The following SLC4A10 variants were observed in gnomAD, a reference collection of about 807,000 sequenced individuals.
SLC4A10 encodes the protein sodium-driven chloride bicarbonate exchanger.
Under a neutral mutation model 137.7 loss-of-function variants are expected in SLC4A10, and 42 were observed. The observed-to-expected ratio is 0.30, with a 90% confidence interval of 0.24 to 0.39. SLC4A10 has a LOEUF of 0.39. Ranked by LOEUF, SLC4A10 falls within the 10% of genes least tolerant of loss-of-function variation. The probability of loss-of-function intolerance (pLI) is 1.00; values close to 1 mark genes in which losing one functional copy is unlikely to be tolerated. For synonymous variants in SLC4A10, 474 were observed against 464.1 expected (o/e 1.02, Z -0.27); for missense variants, 925 against 1,355.0 (o/e 0.68, Z 4.98).
chr2:161,867,339 A>G (rs2060823384), intron 6 of SLC4A10, among the ~76,000 whole-genome samples: 1 of 151,992 alleles, frequency 6.6e-6, no homozygotes, highest in South Asian at 2.1e-4. Flanking sequence ...CATAAATAAG[A>G]TATCCAGGAT....
chr2:161,916,868 C>G (rs998610844), intron 15 of SLC4A10, among the ~76,000 whole-genome samples: 7 of 152,082 alleles, frequency 4.6e-5, no homozygotes, highest in African/African-American at 1.7e-4. Context: ...TCTCGCCTAC[C>G]GTATATAATT....
intron 23 of SLC4A10, among the ~76,000 whole-genome samples, chr2:161,966,199 G>T (rs13021985): frequency 6.6e-6 from 1 of 151,866 alleles, no homozygotes; most frequent in Non-Finnish European, 1.5e-5. Flanking sequence ...ATATGGTTAC[G>T]TAATGTGTAA....
intron 1 of SLC4A10, among the ~76,000 whole-genome samples, chr2:161,669,844 G>A (rs1289731486): frequency 2.0e-5 from 3 of 151,962 alleles, no homozygotes; most frequent in Non-Finnish European, 2.9e-5. Flanking sequence ...CAGTAAAACT[G>A]AATAGACTTA....
intron 3 of SLC4A10, among the ~76,000 whole-genome samples, chr2:161,834,447 A>G (rs1011502019): frequency 6.6e-6 from 1 of 152,220 alleles, no homozygotes; most frequent in African/African-American, 2.4e-5. Flanking sequence ...GTGCAGGAGT[A>G]AAATCAATGA....
intron 23 of SLC4A10, among the ~76,000 whole-genome samples, chr2:161,973,984 G>T (rs1698980252): frequency 6.6e-6 from 1 of 151,986 alleles, no homozygotes; most frequent in Admixed American, 6.5e-5. Context: ...AATATGCTTG[G>T]AAATTAACAT....
At chr2:161,976,972 A>G in intron 25 of SLC4A10, 96 bp downstream of exon 25, 1 of 631,018 alleles carries the variant, frequency 1.6e-6, no homozygotes, top group Non-Finnish European at 2.6e-6. Flanking sequence ...CATCAAATTT[A>G]GATATAAAAT....
At chr2:161,872,539 T>C (rs2061195029) in intron 7 of SLC4A10, among the ~76,000 whole-genome samples, 155 bp downstream of exon 7, 1 of 128,282 alleles carries the variant, frequency 7.8e-6, no homozygotes, top group Non-Finnish European at 1.6e-5. Context: ...TAAGTCCACA[T>C]GTAACATTTT....
chr2:161,767,295 T>A (rs1043872819), intron 1 of SLC4A10, among the ~76,000 whole-genome samples: 1 of 147,890 alleles, frequency 6.8e-6, no homozygotes, highest in African/African-American at 2.5e-5. Flanking sequence ...TAAACTTTAT[T>A]CGGTATAAAA....
chr2:161,944,588 GT>G (rs778891271), intron 16 of SLC4A10, among the ~76,000 whole-genome samples: 1 of 151,014 alleles, frequency 6.6e-6, no homozygotes, highest in East Asian at 1.9e-4. Flanking sequence ...GGGGTTGTTG[GT>G]TTTTTTCTCT....
chr2:161,884,605 T>G (rs2062076408), intron 10 of SLC4A10, among the ~76,000 whole-genome samples: 1 of 152,156 alleles, frequency 6.6e-6, no homozygotes, highest in Non-Finnish European at 1.5e-5. Flanking sequence ...AGCATAAGCA[T>G]CAGTCATCTA....
chr2:161,884,933 T>G (rs1476249044), intron 10 of SLC4A10, among the ~76,000 whole-genome samples: 1 of 152,206 alleles, frequency 6.6e-6, no homozygotes, highest in Admixed American at 6.5e-5. Flanking sequence ...ATCCCAGCAC[T>G]TTGGGAGGCC....
chr2:161,871,917 T>A lies in SLC4A10; in HGVS notation c.767-376T>A, dbSNP rs897748981. Among the ~76,000 whole-genome samples, 17 of 152,294 alleles carry A rather than the reference T, an allele frequency of 1.1e-4. No homozygotes were observed. The South Asian group carries it at 1.2e-3, about 11-fold the overall frequency. ...GCTTTACATTTTAAATTCTTCAGGC[T>A]GAGCTTACATCTTAACAGATGTCTA... On this transcript the variant is annotated intron_variant, in intron 6 of 26. Transcript: ENST00000446997.
intron 15 of SLC4A10, among the ~76,000 whole-genome samples, chr2:161,906,534 A>G (rs142276732): frequency 6.6e-6 from 1 of 152,290 alleles, no homozygotes; most frequent in East Asian, 1.9e-4. Context: ...TTGTCTGCAG[A>G]CTATATGTGG....
chr2:161,731,371 C>T (rs1160314384), intron 1 of SLC4A10, among the ~76,000 whole-genome samples: 3 of 152,024 alleles, frequency 2.0e-5, no homozygotes, highest in African/African-American at 7.2e-5. Context: ...TATAGCTTAA[C>T]ATCTATATAT....
intron 1 of SLC4A10, among the ~76,000 whole-genome samples, chr2:161,637,459 C>T (rs557124734): frequency 5.9e-5 from 9 of 152,138 alleles, no homozygotes; most frequent in African/African-American, 1.7e-4. Flanking sequence ...CTTTGGCTTC[C>T]CAAAGTGCTG....
intron 1 of SLC4A10, among the ~76,000 whole-genome samples, chr2:161,681,412 A>G (rs1242521744): frequency 6.6e-6 from 1 of 152,194 alleles, no homozygotes; most frequent in African/African-American, 2.4e-5. Context: ...ATATTAAGTG[A>G]CTTAGCTAGT....
intron 1 of SLC4A10, among the ~76,000 whole-genome samples, chr2:161,738,871 G>C (rs562990599): frequency 5.3e-5 from 8 of 152,232 alleles, no homozygotes; most frequent in Non-Finnish European, 8.8e-5. Context: ...CATTTAGATA[G>C]GGCAAGGTTA....
intron 24 of SLC4A10, among the ~76,000 whole-genome samples, chr2:161,975,042 T>A (rs1278405800): frequency 6.6e-6 from 1 of 152,170 alleles, no homozygotes; most frequent in Non-Finnish European, 1.5e-5. Context: ...CAGAGAATAC[T>A]TTTTTATGAG....
intron 1 of SLC4A10, among the ~76,000 whole-genome samples, chr2:161,704,515 CA>C (rs573408359): frequency 1.3e-3 from 192 of 151,450 alleles, no homozygotes; most frequent in African/African-American, 4.5e-3. Flanking sequence ...TGAAATACTC[CA>C]AAGAAACTAG....
Sources: gnomAD v4.1 joint callset for allele counts (sites outside exome capture counted in the v4.1 genomes callset) on GRCh38, gnomAD v4.1.1 for gene constraint, MANE v1.5 for transcripts, NCBI Gene and HGNC (gene_info 2026-07-23, HGNC 2026-07-21) for gene names.